The following TAS2R1 variants were observed in gnomAD, a reference collection of about 807,000 sequenced individuals.
The protein encoded by TAS2R1 is taste 2 receptor member 1.
For missense variants in TAS2R1, 370 were observed against 353.4 expected (o/e 1.05, Z -0.38); for synonymous variants, 141 against 134.2 (o/e 1.05, Z -0.35).
At chr5:9,866,060 C>T in the TAS2R1 span, among the ~76,000 whole-genome samples, 1 of 152,144 alleles carries the variant, frequency 6.6e-6, no homozygotes, top group Non-Finnish European at 1.5e-5. Flanking sequence ...ATATCTCTTA[C>T]TTACTCTTCT....
chr5:9,674,632 A>C (rs529163722), intron 1 of TAS2R1, among the ~76,000 whole-genome samples: 1 of 152,256 alleles, frequency 6.6e-6, no homozygotes, highest in East Asian at 1.9e-4. Context: ...AATTGTATTT[A>C]ATTACATATA....
At chr5:9,896,925 C>T in the TAS2R1 span, among the ~76,000 whole-genome samples, 6 of 152,132 alleles carry the variant, frequency 3.9e-5, no homozygotes, top group Admixed American at 1.3e-4. Flanking sequence ...GCTCCGATCC[C>T]CAAGAAGTCA....
the TAS2R1 span, among the ~76,000 whole-genome samples, chr5:9,901,001 C>T: frequency 1.3e-5 from 2 of 152,134 alleles, no homozygotes; most frequent in African/African-American, 2.4e-5. Context: ...CACTAGTCGT[C>T]CTCGGAGGAC....
the TAS2R1 span, among the ~76,000 whole-genome samples, chr5:9,718,110 C>G: frequency 6.6e-6 from 1 of 151,848 alleles, no homozygotes; most frequent in Non-Finnish European, 1.5e-5. Context: ...CAGGCACACG[C>G]CACCATGCCC....
At chr5:9,854,931 T>G in the TAS2R1 span, among the ~76,000 whole-genome samples, 1 of 152,212 alleles carries the variant, frequency 6.6e-6, no homozygotes, top group Non-Finnish European at 1.5e-5. Flanking sequence ...CTCTTCATAA[T>G]GGGTTCTGCT....
At chr5:9,663,894 C>T (rs985451077) in intron 1 of TAS2R1, among the ~76,000 whole-genome samples, 6 of 152,154 alleles carry the variant, frequency 3.9e-5, no homozygotes, top group Non-Finnish European at 5.9e-5. Context: ...GAGACTGAAG[C>T]AATGCATCTA....
chr5:9,877,844 T>G, the TAS2R1 span, among the ~76,000 whole-genome samples: 1 of 152,226 alleles, frequency 6.6e-6, no homozygotes, highest in African/African-American at 2.4e-5. Context: ...TTCTTTTTTT[T>G]GAAGGCATCT....
At chr5:9,740,766 T>G in the TAS2R1 span, among the ~76,000 whole-genome samples, 4 of 152,022 alleles carry the variant, frequency 2.6e-5, no homozygotes, top group African/African-American at 4.8e-5. Flanking sequence ...CACCGAGGAG[T>G]GGGTCTCCTG....
intron 1 of TAS2R1, among the ~76,000 whole-genome samples, chr5:9,677,832 T>G (rs1740904618): frequency 6.6e-6 from 1 of 152,168 alleles, no homozygotes; most frequent in Non-Finnish European, 1.5e-5. Flanking sequence ...TTCACCCAAT[T>G]GATTAGAAAA....
chr5:9,732,978 C>T, the TAS2R1 span, among the ~76,000 whole-genome samples: 1 of 152,188 alleles, frequency 6.6e-6, no homozygotes, highest in African/African-American at 2.4e-5. Flanking sequence ...ATGAGGCCCA[C>T]ACATATTATT....
chr5:9,751,388 T>TC, the TAS2R1 span, among the ~76,000 whole-genome samples: 154 of 152,056 alleles, frequency 1.0e-3, no homozygotes, highest in African/African-American at 3.2e-3. Flanking sequence ...ATTGGTCTGA[T>TC]GAAAAGACCA....
the TAS2R1 span, among the ~76,000 whole-genome samples, chr5:9,828,874 C>G: frequency 3.3e-5 from 5 of 152,260 alleles, no homozygotes; most frequent in East Asian, 1.9e-4. Context: ...ACATCACTGT[C>G]TAGTAACAAC....
At chr5:9,732,315 G>A in the TAS2R1 span, among the ~76,000 whole-genome samples, 1 of 152,194 alleles carries the variant, frequency 6.6e-6, no homozygotes, top group African/African-American at 2.4e-5. Context: ...TAATACAACT[G>A]GAAAGATGTG....
At chr5:9,843,586 C>A in the TAS2R1 span, among the ~76,000 whole-genome samples, 1 of 152,192 alleles carries the variant, frequency 6.6e-6, no homozygotes, top group Admixed American at 6.5e-5. Context: ...TAAAACCAAA[C>A]AAGTTTACTA....
chr5:9,789,320 A>C, the TAS2R1 span, among the ~76,000 whole-genome samples: 2 of 152,212 alleles, frequency 1.3e-5, no homozygotes, highest in Non-Finnish European at 2.9e-5. Flanking sequence ...GGCACAATTT[A>C]ATCTTTATTT....
At chr5:9,705,914 A>G (rs1347473198) in intron 1 of TAS2R1, among the ~76,000 whole-genome samples, 4 of 152,162 alleles carry the variant, frequency 2.6e-5, no homozygotes, top group African/African-American at 9.6e-5. Context: ...AGAGACCAGC[A>G]GGTCACCTTA....
At chr5:9,818,765 T>C in the TAS2R1 span, among the ~76,000 whole-genome samples, 1 of 152,128 alleles carries the variant, frequency 6.6e-6, no homozygotes, top group Non-Finnish European at 1.5e-5. Context: ...GGTGGGGAAA[T>C]AGGCCTCACC....
chr5:9,870,662 T>C, the TAS2R1 span, among the ~76,000 whole-genome samples: 2 of 152,140 alleles, frequency 1.3e-5, no homozygotes, highest in Non-Finnish European at 2.9e-5. Context: ...TACCATAAAG[T>C]ATTATAAATG....
chr5:9,631,723 T>C (rs535508930), upstream of TAS2R1, among the ~76,000 whole-genome samples: 1 of 152,340 alleles, frequency 6.6e-6, no homozygotes, highest in Admixed American at 6.5e-5. Context: ...TAAAGAATAC[T>C]TAAGATTAAT....
Sources: allele counts gnomAD v4.1 joint callset (sites outside exome capture counted in the v4.1 genomes callset), GRCh38; gene constraint gnomAD v4.1.1; transcripts MANE v1.5; gene names NCBI Gene and HGNC (gene_info 2026-07-23, HGNC 2026-07-21).